Variants in DIP2A observed in about 807,000 individuals in gnomAD.
The protein encoded by DIP2A is DIP2 acetate--CoA ligase A, also known as disco-interacting protein 2 homolog A.
Under a neutral mutation model 177.4 loss-of-function variants are expected in DIP2A, and 85 were observed. The observed-to-expected ratio is 0.48, with a 90% CI of 0.40 to 0.57. The LOEUF (loss-of-function observed/expected upper bound fraction) is 0.57. Ranked by LOEUF, DIP2A falls within the 20% of genes least tolerant of loss-of-function variation. The pLI is 0.00. For synonymous variants in DIP2A, 886 were observed against 881.8 expected, an observed-to-expected ratio of 1.00 and a Z score of -0.08; for missense variants, 1,791 against 2,100.2, an observed-to-expected ratio of 0.85 and a Z score of 2.88.
At chr21:46,511,376 G>A (rs752087726) in intron 7 of DIP2A, 41 bp from the exon 8 acceptor site, 3 of 1,547,320 alleles carry the variant, frequency 1.9e-6, no homozygotes, top group South Asian at 1.2e-5. Context: ...TGTTCGTGGT[G>A]CTCTGAATTG....
the DIP2A span, among the ~76,000 whole-genome samples, chr21:46,581,193 T>TA: frequency 6.6e-6 from 1 of 152,232 alleles, no homozygotes; most frequent in Non-Finnish European, 1.5e-5. Flanking sequence ...TTAAGCAAGA[T>TA]AGTCTTCAAG....
At chr21:46,548,369 G>GC (rs934548188) in intron 21 of DIP2A, among the ~76,000 whole-genome samples, 6 of 152,104 alleles carry the variant, frequency 3.9e-5, no homozygotes, top group African/African-American at 1.4e-4. Context: ...CCCTCGCAGG[G>GC]CCACCTGTAC....
chr21:46,543,154 C>T (rs957257738), intron 18 of DIP2A, among the ~76,000 whole-genome samples: 1 of 151,346 alleles, frequency 6.6e-6, no homozygotes, highest in South Asian at 2.1e-4. Flanking sequence ...TTGAACCTGT[C>T]GTAAAATAAT....
chr21:46,513,827 A>G (rs1355559262), intron 8 of DIP2A, among the ~76,000 whole-genome samples: 2 of 152,202 alleles, frequency 1.3e-5, no homozygotes, highest in African/African-American at 4.8e-5. Context: ...ACTGGGAAAT[A>G]AATATAATGC....
At chr21:46,465,723 C>T (rs1232544660) in intron 1 of DIP2A, among the ~76,000 whole-genome samples, 1 of 151,928 alleles carries the variant, frequency 6.6e-6, no homozygotes, top group Non-Finnish European at 1.5e-5. Flanking sequence ...TTCACTTAAA[C>T]AGACCCTGAT....
chr21:46,509,293 A>G lies in DIP2A; in HGVS notation c.821A>G (p.Gln274Arg). ...PVNSRVSSKI[Q>R]QLLNTLKRPK... ...AACAGCAGAGTGTCCTCCAAAATCC[A>G]GCAGCTTCTGAACACCCTGAAGAGG... The change falls in exon 7 of 38, where the codon CAG (glutamine) becomes CGG (arginine). Residue 274 changes from glutamine to arginine, a missense_variant. Gln to Arg is a conservative substitution (Grantham distance 43). Coordinates refer to ENST00000417564, the MANE Select transcript of DIP2A (RefSeq NM_015151.4). 1 of 1,613,758 alleles carries G rather than the reference A, an allele frequency of 6.2e-7. No homozygotes were observed. The highest frequency in any genetic ancestry group is 1.3e-5 in the African/African-American group (1 of 75,050).
downstream of DIP2A, among the ~76,000 whole-genome samples, chr21:46,573,675 AAAAAAAAAGATAT>A (rs2060979839): frequency 7.7e-6 from 1 of 130,090 alleles, no homozygotes; most frequent in Admixed American, 8.1e-5. Flanking sequence ...AAAAAAAAAA[AAAAAAAAAGATAT>A]TCCATGCAAA....
chr21:46,581,029 G>C, the DIP2A span, among the ~76,000 whole-genome samples: 1 of 152,186 alleles, frequency 6.6e-6, no homozygotes, highest in Non-Finnish European at 1.5e-5. Flanking sequence ...ATGATATCCT[G>C]AAGTATGCTT....
intron 8 of DIP2A, among the ~76,000 whole-genome samples, chr21:46,527,466 C>G (rs9981387): frequency 0.36 from 53,824 of 150,950 alleles, 9,909 homozygotes; most frequent in Middle Eastern, 0.46. Context: ...GTTGGGATTA[C>G]AGTGTGTGCC....
chr21:46,531,520 A>G (rs1296458626), intron 9 of DIP2A, among the ~76,000 whole-genome samples: 1 of 152,232 alleles, frequency 6.6e-6, no homozygotes, highest in Non-Finnish European at 1.5e-5. Flanking sequence ...AATGAATTCA[A>G]GAATCACTAA....
At position 46,464,844 on chromosome 21, in the gene DIP2A, T is replaced by TTTTTTTTTTTTTC. The variant is rs58546395; in HGVS notation, c.91+5622_91+5623insTTTTTTTTTTTTC. ...TTTTTTTTTTTTTTTTTTTTTTTTT[T>TTTTTTTTTTTTTC]CAAGAAAACACACAACAAATGTCAG... On this transcript the variant is annotated intron_variant, in intron 1 of 37. Transcript: ENST00000417564. 1.2e-4 allele frequency among the ~76,000 whole-genome samples: 13 copies of TTTTTTTTTTTTTC among 111,232 alleles called. 1 individual carries two copies. The highest frequency in any genetic ancestry group is 4.6e-4 in the African/African-American group (11 of 23,996). The allele number at this position is 111,232 out of a possible 152,430, so 73.0% of individuals were successfully genotyped here. A position where few individuals can be genotyped will look rare whatever the true frequency, so the allele number is the denominator to read the frequency against.
intron 1 of DIP2A, among the ~76,000 whole-genome samples, chr21:46,470,761 C>T (rs1281389863): frequency 7.1e-6 from 1 of 140,336 alleles, no homozygotes; most frequent in Admixed American, 7.1e-5. Flanking sequence ...GAGACTCTGT[C>T]TCAAAAAAAA....
rs1430484970 is a variant in DIP2A, at chr21:46,563,946, C to T, written c.4164+14C>T. 6.2e-7 allele frequency: 1 copy of T among 1,612,078 alleles called. No homozygotes were observed. Among genetic ancestry groups the T allele is most frequent in the Admixed American group, 1.7e-5 (1 of 59,748 alleles). On this transcript the variant is annotated intron_variant, in intron 35 of 37. Coordinates refer to ENST00000417564, the MANE Select transcript of DIP2A (RefSeq NM_015151.4). This position sits in a 1 kb window ranked among gnomAD's most constrained non-coding sequence, Gnocchi z 4.3. ...CACCTGGGAGAGGTGAGCAGGGGCC[C>T]ATGGGAGGGGCTTGAGCTCTCCAGC...
intron 20 of DIP2A, 30 bp from the exon 21 acceptor site, chr21:46,546,885 T>C (rs2060070066): frequency 6.2e-7 from 1 of 1,611,002 alleles, no homozygotes; most frequent in Non-Finnish European, 8.5e-7. Context: ...CCCGTGTGGG[T>C]GGAGTCTTGA....
intron 3 of DIP2A, among the ~76,000 whole-genome samples, chr21:46,493,188 T>C (rs2057120751): frequency 6.6e-6 from 1 of 152,210 alleles, no homozygotes; most frequent in African/African-American, 2.4e-5. Flanking sequence ...GTTGAGTGAT[T>C]TGATTATGAT....
chr21:46,461,722 A>G (rs1981330), intron 1 of DIP2A, among the ~76,000 whole-genome samples: 119,134 of 152,070 alleles, frequency 0.78, 47,161 homozygotes, highest in African/African-American at 0.89. Flanking sequence ...TAACATGGAG[A>G]GGAACCTCGA....
chr21:46,533,161 T>G (rs2059421875), intron 10 of DIP2A, among the ~76,000 whole-genome samples: 1 of 152,242 alleles, frequency 6.6e-6, no homozygotes, highest in Non-Finnish European at 1.5e-5. Context: ...CCTCTCTAGA[T>G]TAATTTGTAA....
chr21:46,464,498 CA>C (rs2054621536), intron 1 of DIP2A, among the ~76,000 whole-genome samples: 1 of 152,166 alleles, frequency 6.6e-6, no homozygotes, highest in Non-Finnish European at 1.5e-5. Context: ...TGTTCTATAA[CA>C]GAACACCACA....
intron 11 of DIP2A, 99 bp from the exon 12 acceptor site, chr21:46,533,905 C>A: frequency 9.1e-7 from 1 of 1,094,356 alleles, no homozygotes; most frequent in Middle Eastern, 2.2e-4. Flanking sequence ...TCCTTATTCG[C>A]TCAGTAGCTA....
Sources: allele counts gnomAD v4.1 joint callset (sites outside exome capture counted in the v4.1 genomes callset), GRCh38; gene constraint gnomAD v4.1.1; non-coding constraint Gnocchi (gnomAD v3.1); transcripts MANE v1.5; gene names NCBI Gene and HGNC (gene_info 2026-07-23, HGNC 2026-07-21).